TTC39B: variants seen among roughly 807,000 people sequenced by gnomAD.
TTC39B encodes the protein tetratricopeptide repeat protein 39B.
TTC39B carries 92 observed loss-of-function variants against 96.6 expected under a neutral mutation model. That is an observed-to-expected ratio of 0.95 (90% confidence interval 0.80 to 1.13). The LOEUF (loss-of-function observed/expected upper bound fraction) is 1.13. TTC39B is among the 50% of genes most tolerant of loss of function. The pLI, the probability that TTC39B is intolerant of heterozygous loss-of-function variation, is 0.00. For synonymous variants in TTC39B, 367 were observed against 299.4 expected, an observed-to-expected ratio of 1.23 and a Z score of -2.33; for missense variants, 955 against 809.3, an observed-to-expected ratio of 1.18 and a Z score of -2.18.
chr9:15,262,304 G>A (rs974859785), intron 2 of TTC39B, among the ~76,000 whole-genome samples: 1 of 152,062 alleles, frequency 6.6e-6, no homozygotes, highest in African/African-American at 2.4e-5. Context: ...TTGGTATGTT[G>A]GCCAGGCTGG....
intron 1 of TTC39B, among the ~76,000 whole-genome samples, chr9:15,268,690 C>G (rs920897515): frequency 2.6e-5 from 4 of 152,164 alleles, no homozygotes; most frequent in African/African-American, 9.7e-5. Flanking sequence ...CTTAATCTTC[C>G]AAGCATCCTT....
intron 2 of TTC39B, among the ~76,000 whole-genome samples, chr9:15,235,222 G>C (rs1385386695): frequency 6.6e-6 from 1 of 151,976 alleles, no homozygotes; most frequent in Non-Finnish European, 1.5e-5. Flanking sequence ...TTAAAAAATA[G>C]CTTGAAGACC....
chr9:15,250,991 T>C (rs1822510549), intron 2 of TTC39B, among the ~76,000 whole-genome samples: 1 of 149,514 alleles, frequency 6.7e-6, no homozygotes, highest in South Asian at 2.1e-4. Context: ...AGGTCAGGAG[T>C]TCCACACCAG....
chr9:15,281,625 CAAAAAAAAAAAAA>C (rs1161175672), intron 1 of TTC39B, among the ~76,000 whole-genome samples: 3 of 49,008 alleles, frequency 6.1e-5, no homozygotes, highest in Non-Finnish European at 1.1e-4. Context: ...CCTGCAACAG[CAAAAAAAAAAAAA>C]AAAAAAAAAA....
exon 20 of TTC39B, chr9:15,171,864 C>A: frequency 2.2e-6 from 1 of 463,086 alleles, no homozygotes; most frequent in South Asian, 4.4e-5. Context: ...ATTATGTAGA[C>A]CAACAGTAAA....
intron 2 of TTC39B, among the ~76,000 whole-genome samples, chr9:15,246,209 C>T (rs1439030470): frequency 1.3e-5 from 2 of 152,146 alleles, no homozygotes; most frequent in African/African-American, 2.4e-5. Context: ...GCCGAGATCA[C>T]GCCATTGCAC....
At position 15,288,012 on chromosome 9, in the gene TTC39B, A is replaced by G. The variant is rs1450679582; in HGVS notation, c.240+19072T>C. The stretch of plus-strand genomic sequence containing the variant: ...TTCTAAGCTAGTACCTTTCCTTTGT[A>G]AATTTCAAATATAATTAGCTATACA... On this transcript the variant is annotated intron_variant, in intron 1 of 19. Transcript: ENST00000512701. Among the ~76,000 whole-genome samples, 6 of 152,180 alleles carry G rather than the reference A, an allele frequency of 3.9e-5. No homozygotes were observed. The South Asian group carries it at 1.0e-3, about 26-fold the overall frequency.
chr9:15,174,922 G>A, intron 19 of TTC39B, 97 bp downstream of exon 19: 1 of 769,146 alleles, frequency 1.3e-6, no homozygotes, highest in South Asian at 1.6e-5. Flanking sequence ...ATTTGACATT[G>A]TTAATTGTTA....
chr9:15,266,466 T>C (rs930250531), intron 2 of TTC39B, among the ~76,000 whole-genome samples: 1 of 152,204 alleles, frequency 6.6e-6, no homozygotes, highest in Non-Finnish European at 1.5e-5. Context: ...AGATGCAATG[T>C]ATTTTTAAAA....
intron 16 of TTC39B, among the ~76,000 whole-genome samples, chr9:15,183,955 C>CT (rs1286797178): frequency 6.6e-6 from 1 of 152,162 alleles, no homozygotes; most frequent in African/African-American, 2.4e-5. Flanking sequence ...GACCTAGGTG[C>CT]TAGGCGCAGG....
At chr9:15,170,022 G>GCTTTTTTCCAAAAAGCTTTTTTTGGAAAA (rs1817598802) in exon 20 of TTC39B, 2 of 151,998 alleles carry the variant, frequency 1.3e-5, no homozygotes, top group Non-Finnish European at 2.9e-5. Flanking sequence ...TCTTCTAAGA[G>GCTTTTTTCCAAAAAGCTTTTTTTGGAAAA]CTTTTTTCCA....
chr9:15,185,517 T>G (rs1442152661), intron 15 of TTC39B, 111 bp from the exon 16 acceptor site: 4 of 1,512,094 alleles, frequency 2.6e-6, no homozygotes, highest in East Asian at 2.4e-5. Flanking sequence ...AGCAGCAGCA[T>G]CACCTGGGAA....
chr9:15,180,293 T>C (rs1818180490), intron 17 of TTC39B, among the ~76,000 whole-genome samples: 1 of 152,236 alleles, frequency 6.6e-6, no homozygotes, highest in Non-Finnish European at 1.5e-5. Flanking sequence ...CTTTCCCTTT[T>C]ACATAACTCT....
rs555336407 is a variant in TTC39B, at chr9:15,290,300, T to C, written c.240+16784A>G. ...AAAATCTCGGGACCTAAACTCATCA[T>C]GCCAAAGAGAAAATTTAAGCTTGGG... is the stretch of plus-strand genomic sequence containing the variant. On this transcript the variant is annotated intron_variant, in intron 1 of 19. Transcript: ENST00000512701. 1.4e-3 allele frequency among the ~76,000 whole-genome samples: 213 copies of C among 152,306 alleles called. 1 individual carries two copies. Among genetic ancestry groups the C allele is most frequent in the Non-Finnish European group, 2.4e-3 (165 of 68,030 alleles).
chr9:15,269,211 T>C (rs1181509128), intron 1 of TTC39B, among the ~76,000 whole-genome samples: 1 of 152,246 alleles, frequency 6.6e-6, no homozygotes, highest in Non-Finnish European at 1.5e-5. Flanking sequence ...TTCCTCATCA[T>C]TTCATTTGTT....
At chr9:15,250,327 G>T (rs961707172) in intron 2 of TTC39B, 1 of 539,966 alleles carries the variant, frequency 1.9e-6, no homozygotes, top group Non-Finnish European at 2.4e-6. Flanking sequence ...CATACAAATG[G>T]CCTGGATTTA....
At chr9:15,196,173 A>T (rs1293635135) in intron 8 of TTC39B, among the ~76,000 whole-genome samples, 2 of 152,250 alleles carry the variant, frequency 1.3e-5, no homozygotes, top group East Asian at 3.8e-4. Flanking sequence ...GTCACCTAAG[A>T]GTTCTGAAAG....
At chr9:15,172,739 A>C in intron 19 of TTC39B, among the ~76,000 whole-genome samples, 1 of 152,150 alleles carries the variant, frequency 6.6e-6, no homozygotes, top group East Asian at 1.9e-4. Flanking sequence ...AGAATCAGAA[A>C]AATGGAATAC....
intron 4 of TTC39B, among the ~76,000 whole-genome samples, chr9:15,212,691 T>C (rs1181340788): frequency 6.6e-6 from 1 of 152,154 alleles, no homozygotes; most frequent in East Asian, 1.9e-4. Flanking sequence ...CCTCCCAAAG[T>C]GCTGGGATTA....
Sources: allele counts gnomAD v4.1 joint callset (sites outside exome capture counted in the v4.1 genomes callset), GRCh38; gene constraint gnomAD v4.1.1; transcripts MANE v1.5; gene names NCBI Gene and HGNC (gene_info 2026-07-23, HGNC 2026-07-21).